ANO4: variants seen among roughly 807,000 people sequenced by gnomAD.
ANO4 encodes the protein anoctamin-4.
A neutral mutation model predicts 141.9 loss-of-function variants in ANO4; 69 were observed. That is an observed-to-expected ratio of 0.49 (90% CI 0.40 to 0.59). The LOEUF (loss-of-function observed/expected upper bound fraction) is 0.59, where lower values mean the gene tolerates loss of function less well. ANO4 is among the 20% of genes least tolerant of loss of function. The pLI is 0.00. For synonymous variants in ANO4, 350 were observed against 394.3 expected (o/e 0.89, Z 1.33); for missense variants, 894 against 1,162.2 (o/e 0.77, Z 3.36).
chr12:101,095,896 G>A (rs1056680623), intron 18 of ANO4, among the ~76,000 whole-genome samples: 9 of 152,148 alleles, frequency 5.9e-5, no homozygotes, highest in African/African-American at 1.9e-4. Flanking sequence ...TATGGAAGTT[G>A]AAATATATGG....
intron 17 of ANO4, among the ~76,000 whole-genome samples, chr12:101,093,584 A>C (rs2049862398): frequency 6.6e-6 from 1 of 152,064 alleles, no homozygotes; most frequent in African/African-American, 2.4e-5. Context: ...AATTTCCTAG[A>C]GCTGGATTTA....
intron 3 of ANO4, among the ~76,000 whole-genome samples, chr12:100,931,125 T>C (rs2042074889): frequency 6.6e-6 from 1 of 152,194 alleles, no homozygotes; most frequent in Non-Finnish European, 1.5e-5. Flanking sequence ...GCTGTCAAGA[T>C]ACATTTGAAG....
intron 14 of ANO4, 35 bp from the exon 15 acceptor site, chr12:101,079,158 T>G (rs751717201): frequency 6.3e-7 from 1 of 1,586,088 alleles, no homozygotes; most frequent in Non-Finnish European, 8.7e-7. Flanking sequence ...TTACTTTTAT[T>G]CAAAAATGTC....
chr12:101,045,629 G>T (rs1279319276), intron 13 of ANO4, among the ~76,000 whole-genome samples: 3 of 152,144 alleles, frequency 2.0e-5, no homozygotes, highest in Non-Finnish European at 4.4e-5. Flanking sequence ...TCTTGTGTTT[G>T]CAAGAATCAG....
intron 17 of ANO4, among the ~76,000 whole-genome samples, chr12:101,092,203 A>G (rs1333075486): frequency 6.6e-6 from 1 of 152,078 alleles, no homozygotes; most frequent in African/African-American, 2.4e-5. Context: ...TAATTATACT[A>G]TAAACACATC....
chr12:100,771,125 G>A (rs1464768963), intron 3 of ANO4, among the ~76,000 whole-genome samples: 1 of 152,138 alleles, frequency 6.6e-6, no homozygotes, highest in African/African-American at 2.4e-5. Flanking sequence ...AGAGGAACGG[G>A]TTAAATTGGA....
intron 8 of ANO4, among the ~76,000 whole-genome samples, chr12:101,007,715 G>T (rs971993195): frequency 2.6e-5 from 4 of 152,096 alleles, no homozygotes; most frequent in African/African-American, 9.7e-5. Flanking sequence ...CCAGAACTCA[G>T]AGTTTTGTTT....
intron 3 of ANO4, among the ~76,000 whole-genome samples, chr12:100,782,385 T>A (rs900068363): frequency 2.2e-4 from 34 of 152,212 alleles, no homozygotes; most frequent in Middle Eastern, 3.2e-3. Context: ...TAAGGTCACC[T>A]GATTATGGTT....
At chr12:100,728,829 C>G (rs1164836031) in intron 1 of ANO4, among the ~76,000 whole-genome samples, 1 of 152,040 alleles carries the variant, frequency 6.6e-6, no homozygotes, top group Non-Finnish European at 1.5e-5. Context: ...TTATAGTGAA[C>G]TATAATATAC....
At chr12:100,942,566 A>T (rs774495334) in intron 5 of ANO4, 31 bp downstream of exon 5, 4 of 1,602,210 alleles carry the variant, frequency 2.5e-6, no homozygotes, top group Non-Finnish European at 3.4e-6. Flanking sequence ...AGAAAAAAAT[A>T]TATACATATC....
intron 3 of ANO4, among the ~76,000 whole-genome samples, chr12:100,743,458 C>T (rs7304575): frequency 0.44 from 66,998 of 151,456 alleles, 15,316 homozygotes; most frequent in Non-Finnish European, 0.5. Context: ...TGATAGTATT[C>T]AATTGATATT....
At chr12:100,735,290 G>T (rs13377973) in intron 2 of ANO4, among the ~76,000 whole-genome samples, 5 of 152,166 alleles carry the variant, frequency 3.3e-5, no homozygotes, top group African/African-American at 1.2e-4. Context: ...GAATATGCTT[G>T]TATTAATTTT....
chr12:100,819,780 T>G (rs906733867), intron 1 of ANO4, among the ~76,000 whole-genome samples: 4 of 151,976 alleles, frequency 2.6e-5, no homozygotes, highest in African/African-American at 9.7e-5. Flanking sequence ...GATGAAAGCA[T>G]GCGAGACTTG....
intron 1 of ANO4, among the ~76,000 whole-genome samples, chr12:100,840,288 T>C (rs1229941689): frequency 6.6e-6 from 1 of 152,112 alleles, no homozygotes; most frequent in East Asian, 1.9e-4. Context: ...CACTACTAGA[T>C]TGGTTCTTGT....
intron 16 of ANO4, 115 bp downstream of exon 16, chr12:101,083,933 T>A: frequency 9.8e-7 from 1 of 1,020,264 alleles, no homozygotes; most frequent in Non-Finnish European, 1.4e-6. Context: ...CTTTGTTATT[T>A]ATTCCTCACA....
intron 5 of ANO4, among the ~76,000 whole-genome samples, chr12:100,966,786 C>T (rs1462252294): frequency 6.6e-6 from 1 of 151,282 alleles, no homozygotes; most frequent in African/African-American, 2.4e-5. Context: ...TATATATATA[C>T]ACACACATGT....
At chr12:100,974,735 T>C in intron 6 of ANO4, 110 bp from the exon 7 acceptor site, 1 of 1,192,886 alleles carries the variant, frequency 8.4e-7, no homozygotes, top group Non-Finnish European at 1.3e-6. Flanking sequence ...TTTTTCTTCT[T>C]CACCTCTTAC....
chr12:100,777,269 CTTTTTTTTT>C (rs71091463), intron 3 of ANO4, among the ~76,000 whole-genome samples: 5 of 50,616 alleles, frequency 9.9e-5, no homozygotes, highest in South Asian at 7.6e-4. Flanking sequence ...ATTTTTGTAT[CTTTTTTTTT>C]TTTTTTTTTT....
chr12:100,880,426 C>T (rs1041093680), intron 1 of ANO4, among the ~76,000 whole-genome samples: 7 of 152,128 alleles, frequency 4.6e-5, no homozygotes, highest in Admixed American at 6.5e-5. Context: ...GAGATTGAAG[C>T]GTAGAGGTGC....
Sources: allele counts gnomAD v4.1 joint callset (sites outside exome capture counted in the v4.1 genomes callset), GRCh38; gene constraint gnomAD v4.1.1; transcripts MANE v1.5; gene names NCBI Gene and HGNC (gene_info 2026-07-23, HGNC 2026-07-21).